The following KIF13A variants were observed in gnomAD, a reference collection of about 807,000 sequenced individuals.
The protein encoded by KIF13A is kinesin-like protein KIF13A.
KIF13A carries 79 observed loss-of-function variants against 212.2 expected under a neutral mutation model. The observed-to-expected ratio is 0.37, with a 90% CI of 0.31 to 0.45. KIF13A has a LOEUF of 0.45. Ranked by LOEUF, KIF13A falls within the 20% of genes least tolerant of loss-of-function variation. The pLI, the probability that KIF13A is intolerant of heterozygous loss-of-function variation, is 1.00. For synonymous variants in KIF13A, 789 were observed against 808.6 expected, an observed-to-expected ratio of 0.98 and a Z score of 0.41; for missense variants, 1,901 against 2,209.0, an observed-to-expected ratio of 0.86 and a Z score of 2.79.
At chr6:17,906,245 C>T (rs939047626) in intron 2 of KIF13A, among the ~76,000 whole-genome samples, 2 of 152,124 alleles carry the variant, frequency 1.3e-5, no homozygotes, top group Non-Finnish European at 2.9e-5. Context: ...CTGGGTAGAT[C>T]ATTCAGAATC....
intron 19 of KIF13A, 65 bp downstream of exon 19, chr6:17,805,409 TG>T: frequency 3.8e-5 from 35 of 928,274 alleles, no homozygotes; most frequent in Non-Finnish European, 5.3e-5. Context: ...GTGTGTGTGT[TG>T]CTAAATCGCT....
At position 17,914,889 on chromosome 6, in the gene KIF13A, T is replaced by C. The variant is rs1774364613; in HGVS notation, c.147-16709A>G. On this transcript the variant is annotated intron_variant, in intron 2 of 38. Coordinates refer to ENST00000259711, the MANE Select transcript of KIF13A (RefSeq NM_022113.6). This position sits in a 1 kb window ranked among gnomAD's most constrained non-coding sequence, Gnocchi z 5.9. ...AGTGAGGCTTTCCCAAAATGCAGCA[T>C]GAAGCATCAAGAATTAAGCATCCCT... is the stretch of plus-strand genomic sequence containing the variant. 6.6e-6 allele frequency among the ~76,000 whole-genome samples: 1 copy of C among 152,226 alleles called. No individual in the cohort carries two copies. Among genetic ancestry groups the C allele is most frequent in the African/African-American group, 2.4e-5 (1 of 41,460 alleles).
rs748723568 is a variant in KIF13A at position 17,839,902 on chromosome 6, C to T, written c.831-2319G>A. 6.6e-6 allele frequency among the ~76,000 whole-genome samples: 1 copy of T among 152,170 alleles called. No homozygotes were observed. Among genetic ancestry groups the T allele is most frequent in the Admixed American group, 6.5e-5 (1 of 15,268 alleles). The stretch of plus-strand genomic sequence containing the variant: ...GCTGACCCCTTGATTTCAGATTTCT[C>T]GCCTGCAGAATTGTGAGAAATAAAT... On this transcript the variant is annotated intron_variant, in intron 9 of 38. Coordinates refer to ENST00000259711, the MANE Select transcript of KIF13A (RefSeq NM_022113.6). The surrounding 1 kb of genome is among the most constrained non-coding windows in gnomAD (Gnocchi z 4.3).
At chr6:17,880,698 A>G (rs1023875279) in intron 3 of KIF13A, among the ~76,000 whole-genome samples, 52 of 151,556 alleles carry the variant, frequency 3.4e-4, no homozygotes, top group African/African-American at 1.2e-3. Flanking sequence ...GGCTTGAGGC[A>G]ATCACAGTTC....
rs936305382 is a variant in KIF13A at position 17,967,931 on chromosome 6, T to C, written c.146+19123A>G. Among the ~76,000 whole-genome samples the C allele has an allele frequency of 2.0e-5, 3 of 152,216 alleles. No homozygotes were observed. The highest frequency in any genetic ancestry group is 2.9e-5 in the Non-Finnish European group (2 of 68,036). ...CTTAATAAAGCCTGCAAATGGCTTA[T>C]TTAAAAATATAAATAAAAACAGGTT... On this transcript the variant is annotated intron_variant, in intron 2 of 38. Coordinates refer to ENST00000259711, the MANE Select transcript of KIF13A (RefSeq NM_022113.6). The surrounding 1 kb of genome is among the most constrained non-coding windows in gnomAD (Gnocchi z 4.1).
Position 17,898,341 on chromosome 6 carries a change from A to T in KIF13A, c.147-161T>A, listed in dbSNP as rs1398293224. On this transcript the variant is annotated intron_variant, in intron 2 of 38. Transcript: ENST00000259711. The surrounding 1 kb of genome is among the most constrained non-coding windows in gnomAD (Gnocchi z 5.2). ...TTCTTCTTCATGAAGATCAGAAGCCAAATTCAAACACATTACTGAATGAAG... is the reference window on the plus strand; with the variant it reads ...TTCTTCTTCATGAAGATCAGAAGCCTAATTCAAACACATTACTGAATGAAG... Among the ~76,000 whole-genome samples, 2 of 152,252 alleles carry T rather than the reference A, an allele frequency of 1.3e-5. No homozygotes were observed. Among genetic ancestry groups the T allele is most frequent in the Non-Finnish European group, 2.9e-5 (2 of 68,046 alleles).
In KIF13A at chr6:17,929,073, A is replaced by AC. The variant is rs932281596; in HGVS notation, c.147-30894_147-30893insG. On this transcript the variant is annotated intron_variant, in intron 2 of 38. Transcript: ENST00000259711. ...AAAGAATTTCTCAAAAAAAAAAAAA[A>AC]AAAAAAAAAACAAAGGAGCTCTTTG... Among the ~76,000 whole-genome samples, 95 of 149,382 alleles carry AC rather than the reference A, an allele frequency of 6.4e-4. 1 individual carries two copies. In the South Asian group the frequency reaches 0.013, roughly 21 times the overall value.
At chr6:17,846,202 T>C (rs1767033534) in intron 9 of KIF13A, among the ~76,000 whole-genome samples, 1 of 151,932 alleles carries the variant, frequency 6.6e-6, no homozygotes, top group Non-Finnish European at 1.5e-5. Flanking sequence ...GCGAGCCACC[T>C]GCCTCAGCCT....
chr6:17,826,064 G>T lies in KIF13A; in HGVS notation c.1593C>A (p.Ile531=). ...STTQLWHGDR[I]LWGNNHFFRI... ...TAAAAAAGTGATTATTTCCCCATAG[G>T]ATTCGGTCACCATGCCACAGCTGGG... The change falls in exon 15 of 39, where the codon ATC becomes ATA. Residue 531 remains isoleucine (I), a synonymous_variant. Transcript: ENST00000259711. This position sits in a 1 kb window ranked among gnomAD's most constrained non-coding sequence, Gnocchi z 4.7. 1 of 1,613,952 alleles carries T rather than the reference G, an allele frequency of 6.2e-7. No homozygotes were observed. Among genetic ancestry groups the T allele is most frequent in the Non-Finnish European group, 8.5e-7 (1 of 1,179,878 alleles).
In KIF13A at chr6:17,837,524, C is replaced by T; in HGVS notation, c.890G>A (p.Gly297Asp). 1 of 1,610,052 alleles carries T rather than the reference C, an allele frequency of 6.2e-7. No individual in the cohort carries two copies. The change falls in exon 10 of 39, where the codon GGT (glycine) becomes GAT (aspartate). Residue 297 changes from glycine to aspartate, a missense_variant. By Grantham distance (94) the Gly-to-Asp change is moderately conservative. This residue lies in a region of KIF13A where 506 missense variants were observed against 637.4 expected (regional missense o/e 0.79). Coordinates refer to ENST00000259711, the MANE Select transcript of KIF13A (RefSeq NM_022113.6). The surrounding 1 kb of genome is among the most constrained non-coding windows in gnomAD (Gnocchi z 5.4). ...TCGATAAGGCACAAATTTGCTTTTA[C>T]CCTTGCCAGCTGCCTGGTCAGCCAG... ...SSLADQAAGK[G>D]KSKFVPYRDS... is the part of the protein sequence containing the mutation.
intron 29 of KIF13A, among the ~76,000 whole-genome samples, chr6:17,782,918 C>T (rs1760729124): frequency 6.6e-6 from 1 of 152,146 alleles, no homozygotes; most frequent in Admixed American, 6.5e-5. Context: ...ACAGGGAACT[C>T]ACTATCTTAT....
At chr6:17,841,526 C>T (rs1053601708) in intron 9 of KIF13A, among the ~76,000 whole-genome samples, 3 of 152,060 alleles carry the variant, frequency 2.0e-5, no homozygotes, top group Non-Finnish European at 4.4e-5. Flanking sequence ...TATTTTTTCT[C>T]CCCTACATCA....
chr6:17,762,913 A>G (rs1042064392), downstream of KIF13A, among the ~76,000 whole-genome samples: 1 of 152,234 alleles, frequency 6.6e-6, no homozygotes, highest in Non-Finnish European at 1.5e-5. Flanking sequence ...AGCCACATCA[A>G]TGGAGTAACT....
In KIF13A at chr6:17,898,266, A is replaced by C; in HGVS notation, c.147-86T>G. 7.6e-7 allele frequency: 1 copy of C among 1,319,976 alleles called. No homozygotes were observed. Among genetic ancestry groups the C allele is most frequent in the East Asian group, 2.3e-5 (1 of 42,970 alleles). 81.8% of individuals were successfully genotyped at this position (1,319,976 alleles called of 1,614,324 possible). ...CCACATCAGAGGGAAACAATGAAAG[A>C]GAAAAAAATAAGGTAAATTCAGCAC... On this transcript the variant is annotated intron_variant, in intron 2 of 38. Coordinates refer to ENST00000259711, the MANE Select transcript of KIF13A (RefSeq NM_022113.6). This position sits in a 1 kb window ranked among gnomAD's most constrained non-coding sequence, Gnocchi z 5.2.
rs374964126 is a variant in KIF13A, at chr6:17,855,692, C to T, written c.314-75G>A. Reference sequence around the variant, plus strand: ...GCAATGCTTCAACCATACAAGGTTTCCCCATATACTGGCCATGGTAACATA... The same window carrying T: ...GCAATGCTTCAACCATACAAGGTTTTCCCATATACTGGCCATGGTAACATA... On this transcript the variant is annotated intron_variant, in intron 5 of 38. Transcript: ENST00000259711. The surrounding 1 kb of genome is among the most constrained non-coding windows in gnomAD (Gnocchi z 4.1). 6 of 1,187,848 alleles carry T rather than the reference C, an allele frequency of 5.1e-6. No homozygotes were observed. In the African/African-American group the frequency reaches 9.3e-5, roughly 18 times the overall value. The allele number at this position is 1,187,848 out of a possible 1,614,324, so 73.6% of individuals were successfully genotyped here. A position where few individuals can be genotyped will look rare whatever the true frequency, so the allele number is the denominator to read the frequency against.
chr6:17,760,864 G>A (rs920721319), downstream of KIF13A: 7 of 1,613,762 alleles, frequency 4.3e-6, no homozygotes, highest in East Asian at 1.6e-4. Context: ...CTCTCACCGT[G>A]AGGTTGTGCC....
chr6:17,797,645 C>G (rs1262993747), intron 22 of KIF13A, among the ~76,000 whole-genome samples: 1 of 152,118 alleles, frequency 6.6e-6, no homozygotes, highest in East Asian at 1.9e-4. Context: ...TCTGTAATGC[C>G]AGCACTTCGG....
chr6:17,945,846 G>A (rs75902498), intron 2 of KIF13A, among the ~76,000 whole-genome samples: 4,824 of 152,172 alleles, frequency 0.032, 122 homozygotes, highest in Non-Finnish European at 0.048. Context: ...ACAGAACACC[G>A]AAACAGAAGA....
chr6:17,929,213 A>C (rs919031387), intron 2 of KIF13A, among the ~76,000 whole-genome samples: 1 of 152,098 alleles, frequency 6.6e-6, no homozygotes, highest in Non-Finnish European at 1.5e-5. Context: ...TGTGTGTGAG[A>C]GAGACAGAGA....
Sources: gnomAD v4.1 joint callset for allele counts (sites outside exome capture counted in the v4.1 genomes callset) on GRCh38, gnomAD v4.1.1 for gene constraint, gnomAD v4.1.1 regional missense constraint, Gnocchi (gnomAD v3.1) non-coding constraint, MANE v1.5 for transcripts, NCBI Gene and HGNC (gene_info 2026-07-23, HGNC 2026-07-21) for gene names.